ZFPM2: variants seen among roughly 807,000 people sequenced by gnomAD.
ZFPM2 encodes zinc finger protein, FOG family member 2, also known as zinc finger protein ZFPM2.
ZFPM2 carries 20 observed loss-of-function variants against 98.6 expected under a neutral mutation model. The observed-to-expected ratio is 0.20, with a 90% CI of 0.14 to 0.29. The LOEUF (loss-of-function observed/expected upper bound fraction) is 0.29, where lower values mean the gene tolerates loss of function less well. ZFPM2 is among the 10% of genes least tolerant of loss of function. The probability of loss-of-function intolerance (pLI) is 1.00; values close to 1 mark genes in which losing one functional copy is unlikely to be tolerated. For synonymous variants in ZFPM2, 518 were observed against 502.7 expected (o/e 1.03, Z -0.41); for missense variants, 1,310 against 1,388.6 (o/e 0.94, Z 0.90).
At chr8:105,548,934 T>C (rs561654565) in intron 3 of ZFPM2, among the ~76,000 whole-genome samples, 73 of 152,300 alleles carry the variant, frequency 4.8e-4, no homozygotes, top group Admixed American at 5.9e-4. Flanking sequence ...TGAGTAAATA[T>C]GTATTTAAGT....
At chr8:105,361,887 T>G (rs557403840) in intron 1 of ZFPM2, among the ~76,000 whole-genome samples, 1 of 151,598 alleles carries the variant, frequency 6.6e-6, no homozygotes, top group Non-Finnish European at 1.5e-5. Context: ...TTGTGCTATA[T>G]TTACCTACAC....
At chr8:105,359,237 T>C (rs1563620333) in intron 1 of ZFPM2, among the ~76,000 whole-genome samples, 1 of 152,102 alleles carries the variant, frequency 6.6e-6, no homozygotes, top group Non-Finnish European at 1.5e-5. Flanking sequence ...CATGCCTGCT[T>C]CCCCTTCTGC....
At chr8:105,646,201 AG>A (rs1817042766) in intron 5 of ZFPM2, among the ~76,000 whole-genome samples, 2 of 152,100 alleles carry the variant, frequency 1.3e-5, no homozygotes, top group Non-Finnish European at 2.9e-5. Flanking sequence ...TGGTGTTAAA[AG>A]GTGAAAGAGA....
At chr8:105,790,830 C>T (rs938576228) in intron 6 of ZFPM2, among the ~76,000 whole-genome samples, 2 of 152,044 alleles carry the variant, frequency 1.3e-5, no homozygotes, top group Non-Finnish European at 2.9e-5. Context: ...AGTTGGATTC[C>T]TAAGTATTTT....
intron 5 of ZFPM2, among the ~76,000 whole-genome samples, chr8:105,722,836 G>T (rs1219823743): frequency 2.0e-5 from 3 of 151,704 alleles, no homozygotes; most frequent in South Asian, 4.2e-4. Flanking sequence ...CTGTAATTTC[G>T]GTCTGACTCT....
intron 4 of ZFPM2, among the ~76,000 whole-genome samples, chr8:105,607,553 G>T (rs530409226): frequency 2.6e-5 from 4 of 152,140 alleles, no homozygotes; most frequent in African/African-American, 9.6e-5. Flanking sequence ...TCTTTTCACA[G>T]TGGCAAGAAG....
chr8:105,514,959 A>T (rs969222591), intron 3 of ZFPM2, among the ~76,000 whole-genome samples: 3 of 152,204 alleles, frequency 2.0e-5, no homozygotes, highest in African/African-American at 7.2e-5. Context: ...TTAGAGGTAC[A>T]TAGCAATTAA....
intron 1 of ZFPM2, among the ~76,000 whole-genome samples, chr8:105,343,204 TA>T (rs1812461148): frequency 6.6e-6 from 1 of 152,114 alleles, no homozygotes; most frequent in Admixed American, 6.6e-5. Context: ...TATTTGCTGC[TA>T]AAATGAAAAC....
intron 3 of ZFPM2, among the ~76,000 whole-genome samples, chr8:105,548,957 G>T (rs1814778393): frequency 6.6e-6 from 1 of 152,134 alleles, no homozygotes. Context: ...AGTTCAGCTG[G>T]ATATGATTTT....
intron 1 of ZFPM2, among the ~76,000 whole-genome samples, chr8:105,392,970 A>G (rs1811137433): frequency 3.9e-5 from 6 of 152,206 alleles, no homozygotes; most frequent in Admixed American, 2.0e-4. Flanking sequence ...CCTTTTCATT[A>G]GCATGTGGTT....
chr8:105,453,934 C>G (rs1476433713), intron 3 of ZFPM2, among the ~76,000 whole-genome samples: 1 of 152,072 alleles, frequency 6.6e-6, no homozygotes, highest in Non-Finnish European at 1.5e-5. Flanking sequence ...TGTCATTTCA[C>G]TCACGGGTAC....
intron 2 of ZFPM2, among the ~76,000 whole-genome samples, chr8:105,439,428 G>A (rs1297278784): frequency 1.3e-5 from 2 of 152,126 alleles, no homozygotes; most frequent in Non-Finnish European, 2.9e-5. Context: ...TTATAATCTT[G>A]TACAAACTGC....
intron 1 of ZFPM2, among the ~76,000 whole-genome samples, chr8:105,393,330 C>CTGCCTTTCTT (rs1245789213): frequency 3.0e-5 from 4 of 132,916 alleles, no homozygotes; most frequent in East Asian, 2.1e-4. Flanking sequence ...CCCTCTCTCT[C>CTGCCTTTCTT]TCTTTGCCTT....
intron 5 of ZFPM2, among the ~76,000 whole-genome samples, chr8:105,682,002 G>T (rs967037351): frequency 6.6e-6 from 1 of 152,054 alleles, no homozygotes; most frequent in African/African-American, 2.4e-5. Context: ...CAAATAAGCG[G>T]CAAAATTAAA....
At chr8:105,536,416 A>G (rs1183445011) in intron 3 of ZFPM2, among the ~76,000 whole-genome samples, 1 of 151,594 alleles carries the variant, frequency 6.6e-6, no homozygotes, top group Admixed American at 6.6e-5. Context: ...TCCCCTTTCT[A>G]TTTTTTATGG....
chr8:105,748,756 G>T (rs1276170673), intron 5 of ZFPM2, among the ~76,000 whole-genome samples: 3 of 151,986 alleles, frequency 2.0e-5, no homozygotes, highest in Admixed American at 2.0e-4. Flanking sequence ...CACTTTCTCT[G>T]CATTTGTTGT....
chr8:105,471,376 A>G (rs780282898), intron 3 of ZFPM2, among the ~76,000 whole-genome samples: 3 of 152,218 alleles, frequency 2.0e-5, no homozygotes, highest in African/African-American at 2.4e-5. Context: ...TGAATTTGTC[A>G]TGGTTGACAC....
intron 5 of ZFPM2, among the ~76,000 whole-genome samples, chr8:105,655,975 C>T (rs1431438478): frequency 1.3e-5 from 2 of 151,532 alleles, no homozygotes; most frequent in Non-Finnish European, 2.9e-5. Context: ...TTAATTTATT[C>T]CTTCACTTAC....
chr8:105,647,011 G>A lies in ZFPM2; in HGVS notation c.532+12654G>A, dbSNP rs1263812268. Among the ~76,000 whole-genome samples the A allele has an allele frequency of 3.9e-5, 6 of 152,096 alleles. No individual in the cohort carries two copies. The South Asian group carries it at 8.3e-4, about 21-fold the overall frequency. On this transcript the variant is annotated intron_variant, in intron 5 of 7. Coordinates refer to ENST00000407775, the MANE Select transcript of ZFPM2 (RefSeq NM_012082.4). ...GCTGGGCCTGGAGGGAAACAGCTTC[G>A]TCCTCAGAATGCCTGTCCAAGTTTT...
Sources: allele counts gnomAD v4.1 joint callset (sites outside exome capture counted in the v4.1 genomes callset), GRCh38; gene constraint gnomAD v4.1.1; transcripts MANE v1.5; gene names NCBI Gene and HGNC (gene_info 2026-07-23, HGNC 2026-07-21).